Variants in DSCAML1 observed in about 807,000 individuals in gnomAD.
DSCAML1 encodes the protein DS cell adhesion molecule like 1, also known as cell adhesion molecule DSCAML1.
A neutral mutation model predicts 200.5 loss-of-function variants in DSCAML1; 38 were observed. The ratio of observed to expected loss-of-function variants is 0.19; its 90% CI spans 0.15 to 0.25. The LOEUF is 0.25. DSCAML1 is among the 10% of genes least tolerant of loss of function. The probability of loss-of-function intolerance (pLI) is 1.00; values close to 1 mark genes in which losing one functional copy is unlikely to be tolerated. For missense variants in DSCAML1, 2,223 were observed against 2,858.8 expected (o/e 0.78, Z 5.07); for synonymous variants, 1,215 against 1,165.0 (o/e 1.04, Z -0.87).
At chr11:117,565,972 C>T (rs1268751096) in intron 3 of DSCAML1, among the ~76,000 whole-genome samples, 1 of 152,212 alleles carries the variant, frequency 6.6e-6, no homozygotes, top group Non-Finnish European at 1.5e-5. Flanking sequence ...CTGTCATCTC[C>T]GTGACAAAGT....
intron 3 of DSCAML1, among the ~76,000 whole-genome samples, chr11:117,536,984 T>C (rs771999541): frequency 3.9e-5 from 6 of 152,174 alleles, no homozygotes; most frequent in Non-Finnish European, 5.9e-5. Flanking sequence ...TTGAAATGGA[T>C]ACAATTATTA....
chr11:117,515,849 G>A (rs984287058), intron 8 of DSCAML1, among the ~76,000 whole-genome samples: 3 of 151,978 alleles, frequency 2.0e-5, no homozygotes, highest in African/African-American at 7.3e-5. Context: ...TCAAACTCCT[G>A]ACCTCATGAT....
intron 3 of DSCAML1, among the ~76,000 whole-genome samples, chr11:117,566,726 CACT>C (rs1213417789): frequency 4.1e-5 from 6 of 145,330 alleles, no homozygotes; most frequent in African/African-American, 1.5e-4. Context: ...TATCCCTCCC[CACT>C]CCCCCTACCC....
At chr11:117,433,776 T>A (rs79617322) in intron 27 of DSCAML1, among the ~76,000 whole-genome samples, 7,110 of 152,284 alleles carry the variant, frequency 0.047, 556 homozygotes, top group African/African-American at 0.16. Context: ...GAATTGACTC[T>A]GCTTAAACAC....
intron 3 of DSCAML1, among the ~76,000 whole-genome samples, chr11:117,533,801 G>C (rs2050121702): frequency 6.6e-6 from 1 of 152,124 alleles, no homozygotes; most frequent in African/African-American, 2.4e-5. Context: ...AACTGGACTT[G>C]AGGGTTGGGG....
intron 3 of DSCAML1, among the ~76,000 whole-genome samples, chr11:117,562,046 C>T (rs542674472): frequency 6.6e-6 from 1 of 152,316 alleles, no homozygotes; most frequent in South Asian, 2.1e-4. Flanking sequence ...CGTAGACTCA[C>T]AGCCTCTGCT....
intron 21 of DSCAML1, 126 bp downstream of exon 21, chr11:117,443,760 C>A: frequency 7.3e-7 from 1 of 1,361,430 alleles, no homozygotes; most frequent in Non-Finnish European, 9.9e-7. Context: ...AGGCGGGTGG[C>A]CAGTTCCTCA....
At chr11:117,546,978 C>T (rs926059989) in intron 3 of DSCAML1, among the ~76,000 whole-genome samples, 6 of 152,060 alleles carry the variant, frequency 3.9e-5, no homozygotes, top group African/African-American at 1.5e-4. Context: ...ATTAGACATG[C>T]ATGAGAGGGG....
chr11:117,481,884 C>T, intron 12 of DSCAML1, 79 bp downstream of exon 12: 1 of 1,563,346 alleles, frequency 6.4e-7, no homozygotes, highest in Non-Finnish European at 8.7e-7. Context: ...CATTTGCCTC[C>T]TGGATGCAGA....
intron 3 of DSCAML1, among the ~76,000 whole-genome samples, chr11:117,709,177 T>C (rs944478538): frequency 6.6e-6 from 1 of 152,178 alleles, no homozygotes; most frequent in Non-Finnish European, 1.5e-5. Flanking sequence ...TGTTGGCCAT[T>C]AGCTATCATG....
chr11:117,597,144 A>C (rs1025224768), intron 3 of DSCAML1, among the ~76,000 whole-genome samples: 4 of 152,216 alleles, frequency 2.6e-5, no homozygotes, highest in Non-Finnish European at 5.9e-5. Context: ...TAACCCAGTC[A>C]CCTTACTGTG....
chr11:117,534,216 C>G (rs889637362), intron 3 of DSCAML1, among the ~76,000 whole-genome samples: 7 of 152,248 alleles, frequency 4.6e-5, no homozygotes, highest in African/African-American at 1.7e-4. Flanking sequence ...CTCCCTCCAC[C>G]ATCCCAAGCA....
rs573695510 is a variant in DSCAML1 at position 117,505,794 on chromosome 11, C to A, written c.1784-62G>T. 4 of 1,544,320 alleles carry A rather than the reference C, an allele frequency of 2.6e-6. No individual in the cohort carries two copies. The highest frequency in any genetic ancestry group is 2.3e-5 in the East Asian group (1 of 43,586). On this transcript the variant is annotated intron_variant, in intron 8 of 32. Transcript: ENST00000651296. This position sits in a 1 kb window ranked among gnomAD's most constrained non-coding sequence, Gnocchi z 6.7. ...TGCATTCTCACCTGGCCGCCAACGC[C>A]GCCTCACCTGCCTTACCTGGGGCTC... is the stretch of plus-strand genomic sequence containing the variant.
intron 3 of DSCAML1, among the ~76,000 whole-genome samples, chr11:117,630,909 C>T (rs1010635822): frequency 3.3e-5 from 5 of 152,160 alleles, no homozygotes; most frequent in African/African-American, 9.7e-5. Context: ...TCTGTGCCTT[C>T]GTTTCCTCAT....
chr11:117,747,192 G>A (rs143923647), intron 3 of DSCAML1, among the ~76,000 whole-genome samples: 159 of 152,210 alleles, frequency 1.0e-3, no homozygotes, highest in Non-Finnish European at 4.4e-4. Context: ...TTCCTCTTGC[G>A]GCCTCTGCCT....
At chr11:117,720,098 G>A (rs571324691) in intron 3 of DSCAML1, among the ~76,000 whole-genome samples, 111 of 152,156 alleles carry the variant, frequency 7.3e-4, no homozygotes, top group Middle Eastern at 3.4e-3. Context: ...AAGCTGGAAG[G>A]ACAGAACCCC....
rs756292633 is a variant in DSCAML1 at position 117,437,164 on chromosome 11, C to A, written c.4678G>T (p.Gly1560Cys). 1.2e-6 allele frequency: 2 copies of A among 1,613,994 alleles called. No individual in the cohort carries two copies. Among genetic ancestry groups the A allele is most frequent in the Non-Finnish European group, 1.7e-6 (2 of 1,180,014 alleles). The change falls in exon 26 of 33, where the codon GGC becomes TGC. Residue 1560 changes from glycine (G) to cysteine (C), a missense_variant. Physicochemically the swap from Gly to Cys is radical, Grantham distance 159. Transcript: ENST00000651296. This position sits in a 1 kb window ranked among gnomAD's most constrained non-coding sequence, Gnocchi z 5.3. ...RMRACNSAGC[G>C]NETAQFATLD... ...GTGGCGAACTGGGCTGTTTCATTGCCGCAGCCCGCACTGTTGCAAGCCCTC... is the reference window on the plus strand; with the variant it reads ...GTGGCGAACTGGGCTGTTTCATTGCAGCAGCCCGCACTGTTGCAAGCCCTC...
At chr11:117,721,839 G>A (rs1459752399) in intron 3 of DSCAML1, among the ~76,000 whole-genome samples, 2 of 147,288 alleles carry the variant, frequency 1.4e-5, no homozygotes, top group Non-Finnish European at 3.0e-5. Context: ...ACAGAGTCTC[G>A]CTGTCGCCCA....
chr11:117,658,559 G>A (rs980578440), intron 3 of DSCAML1, among the ~76,000 whole-genome samples: 3 of 152,164 alleles, frequency 2.0e-5, no homozygotes, highest in African/African-American at 7.2e-5. Context: ...TTAAGAAGAA[G>A]GCATAGTTTA....
Sources: allele counts gnomAD v4.1 joint callset (sites outside exome capture counted in the v4.1 genomes callset), GRCh38; gene constraint gnomAD v4.1.1; non-coding constraint Gnocchi (gnomAD v3.1); transcripts MANE v1.5; gene names NCBI Gene and HGNC (gene_info 2026-07-23, HGNC 2026-07-21).